Variants in ARHGEF38 observed in about 807,000 individuals in gnomAD.
The protein encoded by ARHGEF38 is Rho guanine nucleotide exchange factor 38.
ARHGEF38 carries 79 observed loss-of-function variants against 79.9 expected under a neutral mutation model. That is an observed-to-expected ratio of 0.99 (90% CI 0.82 to 1.19). The LOEUF (loss-of-function observed/expected upper bound fraction) is 1.19. Ranked by LOEUF, ARHGEF38 falls within the 50% of genes most tolerant of loss-of-function variation. The pLI, the probability that ARHGEF38 is intolerant of heterozygous loss-of-function variation, is 0.00. For missense variants in ARHGEF38, 962 were observed against 907.2 expected (o/e 1.06, Z -0.78); for synonymous variants, 366 against 328.3 (o/e 1.11, Z -1.24).
At chr4:105,613,921 A>G (rs372361986) in intron 3 of ARHGEF38, among the ~76,000 whole-genome samples, 19 of 152,210 alleles carry the variant, frequency 1.2e-4, no homozygotes, top group African/African-American at 4.6e-4. Context: ...TAAACTTCTT[A>G]CCTGAGGAAT....
chr4:105,590,204 T>C (rs558533529), intron 2 of ARHGEF38, among the ~76,000 whole-genome samples: 1 of 151,672 alleles, frequency 6.6e-6, no homozygotes, highest in South Asian at 2.1e-4. Flanking sequence ...CTATTTCAAA[T>C]AGAGTGGCAA....
chr4:105,648,304 T>C (rs890936495), intron 6 of ARHGEF38, among the ~76,000 whole-genome samples: 1 of 152,110 alleles, frequency 6.6e-6, no homozygotes, highest in African/African-American at 2.4e-5. Context: ...TTCTTTAATA[T>C]TGTAGATAAA....
At chr4:105,564,238 C>T (rs10433995) in intron 1 of ARHGEF38, among the ~76,000 whole-genome samples, 146,087 of 152,336 alleles carry the variant, frequency 0.96, 70,065 homozygotes, top group East Asian at 1. Context: ...TATTGTTGTG[C>T]ATGCTTCATA....
At chr4:105,675,301 A>G (rs1731081922) in intron 13 of ARHGEF38, among the ~76,000 whole-genome samples, 1 of 152,218 alleles carries the variant, frequency 6.6e-6, no homozygotes. Flanking sequence ...TTTCTTCTGT[A>G]AGACATAACT....
chr4:105,566,465 T>C (rs1176125306), intron 1 of ARHGEF38, among the ~76,000 whole-genome samples: 2 of 152,190 alleles, frequency 1.3e-5, no homozygotes, highest in Non-Finnish European at 2.9e-5. Flanking sequence ...ATTTATGGGT[T>C]ACATGAGATA....
chr4:105,561,400 T>TAGAATAGAATAGAATGGAATGG lies in ARHGEF38; in HGVS notation c.196+8440_196+8441insGAATAGAATAGAATGGAATGGA, dbSNP rs59437354. 2.0e-3 allele frequency among the ~76,000 whole-genome samples: 59 copies of TAGAATAGAATAGAATGGAATGG among 30,142 alleles called. 7 individuals carry two copies. The highest frequency in any genetic ancestry group is 6.6e-3 in the African/African-American group (53 of 8,052). The allele number at this position is 30,142 out of a possible 152,430, so 19.8% of individuals were successfully genotyped here. On this transcript the variant is annotated intron_variant, in intron 1 of 13. Coordinates refer to ENST00000420470, the MANE Select transcript of ARHGEF38 (RefSeq NM_001242729.2). ...CTGGAGTCTCAAAAATAGAGTAGAA[T>TAGAATAGAATAGAATGGAATGG]AATAGAATAGAATAGAATAGAATGG...
At chr4:105,609,105 C>T (rs562431467) in intron 2 of ARHGEF38, among the ~76,000 whole-genome samples, 12 of 152,106 alleles carry the variant, frequency 7.9e-5, no homozygotes, top group Admixed American at 3.3e-4. Context: ...TGGAGCTTTT[C>T]GCCTGTGTTT....
intron 2 of ARHGEF38, among the ~76,000 whole-genome samples, chr4:105,597,233 A>G (rs780305459): frequency 6.6e-6 from 1 of 152,206 alleles, no homozygotes; most frequent in Non-Finnish European, 1.5e-5. Context: ...AGATAGGTGG[A>G]TAGATAGATA....
At chr4:105,661,381 C>A (rs995559652) in intron 10 of ARHGEF38, among the ~76,000 whole-genome samples, 2 of 151,674 alleles carry the variant, frequency 1.3e-5, no homozygotes, top group Non-Finnish European at 2.9e-5. Flanking sequence ...TATGTTTAAC[C>A]TTTTGAAAAA....
chr4:105,644,985 C>G (rs998469564), intron 5 of ARHGEF38, among the ~76,000 whole-genome samples: 1 of 152,124 alleles, frequency 6.6e-6, no homozygotes, highest in South Asian at 2.1e-4. Context: ...ATACTTGTTT[C>G]TTTTAGGTTT....
intron 13 of ARHGEF38, among the ~76,000 whole-genome samples, 166 bp downstream of exon 13, chr4:105,667,869 G>A (rs746113701): frequency 6.6e-6 from 1 of 152,198 alleles, no homozygotes; most frequent in East Asian, 1.9e-4. Flanking sequence ...TTAATTCCCT[G>A]AGCCTGTTTC....
At chr4:105,668,559 G>A (rs1448250737) in intron 13 of ARHGEF38, among the ~76,000 whole-genome samples, 1 of 152,000 alleles carries the variant, frequency 6.6e-6, no homozygotes. Context: ...TTCCCCAGTG[G>A]TGACCATCTA....
In ARHGEF38 at chr4:105,637,812, A is replaced by T. The variant is rs116470391; in HGVS notation, c.674+1392A>T. 3.7e-3 allele frequency among the ~76,000 whole-genome samples: 569 copies of T among 152,282 alleles called. 4 individuals are homozygous for T. The highest frequency in any genetic ancestry group is 0.013 in the African/African-American group (530 of 41,560). On this transcript the variant is annotated intron_variant, in intron 5 of 13. Transcript: ENST00000420470. ...TGCATGCACGGACTTCTACATACAGAATACTTAAACAGTTCATTGTATTGA... is the reference window on the plus strand; with the variant it reads ...TGCATGCACGGACTTCTACATACAGTATACTTAAACAGTTCATTGTATTGA...
intron 1 of ARHGEF38, among the ~76,000 whole-genome samples, chr4:105,575,011 TATAC>T (rs1035002474): frequency 1.8e-4 from 13 of 72,394 alleles, no homozygotes; most frequent in African/African-American, 3.5e-4. Context: ...CACACACATA[TATAC>T]ACACACACAC....
chr4:105,641,474 G>A (rs889418556), intron 5 of ARHGEF38, among the ~76,000 whole-genome samples: 11 of 151,968 alleles, frequency 7.2e-5, no homozygotes, highest in African/African-American at 2.7e-4. Flanking sequence ...GACAAATGCT[G>A]TTTATTTGTG....
At chr4:105,580,816 A>G (rs172020) in intron 1 of ARHGEF38, among the ~76,000 whole-genome samples, 130,637 of 151,672 alleles carry the variant, frequency 0.86, 56,316 homozygotes, top group South Asian at 0.93. Flanking sequence ...TGGTTCAAGC[A>G]ATTCTCCACC....
rs1219655552 is a variant in ARHGEF38 at position 105,648,677 on chromosome 4, T to A, written c.1003T>A (p.Ser335Thr). The change falls in exon 7 of 14, where the codon TCA becomes ACA. Residue 335 changes from serine (S) to threonine (T), a missense_variant. Coordinates refer to ENST00000420470, the MANE Select transcript of ARHGEF38 (RefSeq NM_001242729.2). ...NHLKILTRGE[S>T]QVKDNTFNRE... ...TCTGAAGATTCTGACCAGAGGAGAA[T>A]CACAGGTAATTTTTCTTCTTGGACC... 1.3e-6 allele frequency: 2 copies of A among 1,510,112 alleles called. No homozygotes were observed. The highest frequency in any genetic ancestry group is 2.5e-5 in the South Asian group (2 of 79,820). 93.5% of individuals were successfully genotyped at this position (1,510,112 alleles called of 1,614,324 possible).
At chr4:105,575,492 T>C (rs1259686483) in intron 1 of ARHGEF38, among the ~76,000 whole-genome samples, 2 of 152,198 alleles carry the variant, frequency 1.3e-5, no homozygotes, top group African/African-American at 4.8e-5. Flanking sequence ...GCCCACTTCT[T>C]GATGAGGTTA....
chr4:105,568,955 C>G (rs546931999), intron 1 of ARHGEF38, among the ~76,000 whole-genome samples: 8 of 152,114 alleles, frequency 5.3e-5, no homozygotes, highest in African/African-American at 1.9e-4. Flanking sequence ...TGAAATTATT[C>G]ACTACAACTA....
Sources: allele counts gnomAD v4.1 joint callset (sites outside exome capture counted in the v4.1 genomes callset), GRCh38; gene constraint gnomAD v4.1.1; transcripts MANE v1.5; gene names NCBI Gene and HGNC (gene_info 2026-07-23, HGNC 2026-07-21).